The following WDPCP variants were observed in gnomAD, a reference collection of about 807,000 sequenced individuals.
The protein encoded by WDPCP is WD repeat containing planar cell polarity effector.
In WDPCP, 71 loss-of-function variants were observed where a neutral mutation model predicts 93.1. The ratio of observed to expected loss-of-function variants is 0.76; its 90% confidence interval spans 0.63 to 0.93. WDPCP has a LOEUF of 0.93. WDPCP is among the 40% of genes least tolerant of loss of function. The pLI is 0.00. For missense variants in WDPCP, 844 were observed against 887.4 expected, an observed-to-expected ratio of 0.95 and a Z score of 0.62; for synonymous variants, 315 against 315.0, an observed-to-expected ratio of 1.00 and a Z score of 0.00.
upstream of WDPCP, among the ~76,000 whole-genome samples, chr2:63,831,288 T>G (rs1001487146): frequency 6.6e-6 from 1 of 152,206 alleles, no homozygotes; most frequent in Non-Finnish European, 1.5e-5. Context: ...GCCTCCAAAC[T>G]TATATCTTGT....
chr2:63,600,432 T>C (rs540750621), intron 3 of WDPCP, among the ~76,000 whole-genome samples: 1 of 152,338 alleles, frequency 6.6e-6, no homozygotes, highest in Non-Finnish European at 1.5e-5. Context: ...CCCTTATGTA[T>C]GTTCTTACCT....
At chr2:63,493,323 G>A (rs1450974917) in intron 1 of WDPCP, among the ~76,000 whole-genome samples, 1 of 151,968 alleles carries the variant, frequency 6.6e-6, no homozygotes, top group Non-Finnish European at 1.5e-5. Flanking sequence ...TATTAAGTAC[G>A]AGCACATTTT....
At chr2:63,771,004 A>T (rs1670217894) in intron 2 of WDPCP, among the ~76,000 whole-genome samples, 1 of 151,790 alleles carries the variant, frequency 6.6e-6, no homozygotes. Flanking sequence ...TAATAGTTAT[A>T]AGTAAATTTA....
intron 6 of WDPCP, among the ~76,000 whole-genome samples, chr2:63,482,862 C>T (rs1356955862): frequency 2.0e-5 from 3 of 151,704 alleles, no homozygotes. Context: ...AAAGATAAGT[C>T]CTATTAGAAA....
At chr2:63,299,407 C>T (rs1370224929) in intron 13 of WDPCP, among the ~76,000 whole-genome samples, 2 of 152,208 alleles carry the variant, frequency 1.3e-5, no homozygotes, top group African/African-American at 4.8e-5. Flanking sequence ...GAATTGGACC[C>T]TGTCCCTACT....
intron 14 of WDPCP, among the ~76,000 whole-genome samples, chr2:63,191,019 C>T (rs898074389): frequency 2.6e-5 from 4 of 152,160 alleles, no homozygotes; most frequent in African/African-American, 7.2e-5. Flanking sequence ...ACTGGGAGTC[C>T]ATGTGCCAAA....
At chr2:63,160,942 C>T (rs1293552891) in intron 15 of WDPCP, among the ~76,000 whole-genome samples, 2 of 152,042 alleles carry the variant, frequency 1.3e-5, no homozygotes, top group African/African-American at 4.8e-5. Flanking sequence ...CAACAATTTC[C>T]CCAAATTTGC....
intron 2 of WDPCP, among the ~76,000 whole-genome samples, chr2:63,723,292 A>G (rs1241295632): frequency 6.6e-6 from 1 of 150,866 alleles, no homozygotes; most frequent in South Asian, 2.1e-4. Context: ...AAAAAATTAA[A>G]AAAAAAAAAA....
intron 2 of WDPCP, among the ~76,000 whole-genome samples, chr2:63,662,160 C>T (rs1447421124): frequency 6.6e-6 from 1 of 152,040 alleles, no homozygotes; most frequent in Non-Finnish European, 1.5e-5. Context: ...GTACAGAGTA[C>T]AAATTATTAG....
rs188598781 is a variant in WDPCP, at chr2:63,304,524, G to A, written c.1812+8724C>T. ...TAGCCAAGGGAAGCTGTGAGGGACTGTGCTGTGAGGGACTGTACCGTGAGG... is the reference window on the plus strand; with the variant it reads ...TAGCCAAGGGAAGCTGTGAGGGACTATGCTGTGAGGGACTGTACCGTGAGG... On this transcript the variant is annotated intron_variant, in intron 13 of 17. Transcript: ENST00000272321. 2.2e-3 allele frequency among the ~76,000 whole-genome samples: 333 copies of A among 152,274 alleles called. 1 individual carries two copies. Among genetic ancestry groups the A allele is most frequent in the Admixed American group, 3.9e-3 (60 of 15,302 alleles).
At chr2:63,670,742 T>C (rs545863156) in intron 2 of WDPCP, among the ~76,000 whole-genome samples, 14 of 152,298 alleles carry the variant, frequency 9.2e-5, no homozygotes, top group African/African-American at 3.4e-4. Context: ...GTCTGGGACC[T>C]GGTCAGAAAT....
At chr2:63,574,930 T>G (rs1707806415) in intron 1 of WDPCP, among the ~76,000 whole-genome samples, 1 of 152,222 alleles carries the variant, frequency 6.6e-6, no homozygotes, top group Admixed American at 6.5e-5. Flanking sequence ...ACGTGGTACT[T>G]CAACTGGCAT....
intron 6 of WDPCP, among the ~76,000 whole-genome samples, chr2:63,463,004 G>A (rs1473348817): frequency 2.6e-5 from 4 of 152,094 alleles, no homozygotes; most frequent in African/African-American, 9.7e-5. Context: ...AGGAACCATG[G>A]AAGCTGTGGT....
chr2:63,673,034 T>G (rs889541965), intron 2 of WDPCP, among the ~76,000 whole-genome samples: 3 of 152,178 alleles, frequency 2.0e-5, no homozygotes, highest in Non-Finnish European at 4.4e-5. Context: ...ATTACAGGTG[T>G]GAGCCATTGC....
chr2:63,705,717 C>G (rs367962527), intron 2 of WDPCP, among the ~76,000 whole-genome samples: 16,132 of 132,682 alleles, frequency 0.12, 1,502 homozygotes, highest in Middle Eastern at 0.23. Flanking sequence ...TTACTTCCAA[C>G]TATGTGGTCA....
chr2:63,594,353 G>A lies in WDPCP; in HGVS notation n.488+56306C>T. 3.9e-6 allele frequency: 3 copies of A among 771,414 alleles called. No homozygotes were observed. The South Asian group carries it at 4.1e-5, about 10-fold the overall frequency. 47.8% of individuals were successfully genotyped at this position (771,414 alleles called of 1,614,324 possible). ...ATATGCAGCACATTCATTTTCTACTGAGCCAGATGCAAAAGGACTTTAAAA... is the reference window on the plus strand; with the variant it reads ...ATATGCAGCACATTCATTTTCTACTAAGCCAGATGCAAAAGGACTTTAAAA... On this transcript the variant is annotated intron_variant and non_coding_transcript_variant, in intron 3 of 4. Transcript: ENST00000467687.
intron 1 of WDPCP, among the ~76,000 whole-genome samples, chr2:63,577,201 G>C (rs1234615751): frequency 2.0e-5 from 3 of 152,156 alleles, no homozygotes; most frequent in African/African-American, 7.2e-5. Flanking sequence ...TGTCTCTAGA[G>C]TAATCTTGCC....
intron 1 of WDPCP, among the ~76,000 whole-genome samples, chr2:63,567,190 T>C (rs1013623194): frequency 1.3e-5 from 2 of 152,302 alleles, no homozygotes; most frequent in Admixed American, 1.3e-4. Flanking sequence ...CATTGCTGAC[T>C]GAACTCAACC....
intron 2 of WDPCP, among the ~76,000 whole-genome samples, chr2:63,675,380 T>G (rs149155708): frequency 9.9e-4 from 151 of 152,290 alleles, no homozygotes; most frequent in Non-Finnish European, 2.1e-3. Context: ...CATCTGGGCT[T>G]TATTTAAGTC....
Sources: allele counts gnomAD v4.1 joint callset (sites outside exome capture counted in the v4.1 genomes callset), GRCh38; gene constraint gnomAD v4.1.1; transcripts MANE v1.5; gene names NCBI Gene and HGNC (gene_info 2026-07-23, HGNC 2026-07-21).